Variants in SAFB2 observed in about 807,000 individuals in gnomAD.
SAFB2 encodes scaffold attachment factor B2.
A neutral mutation model predicts 100.6 loss-of-function variants in SAFB2; 32 were observed. That is an observed-to-expected ratio of 0.32 (90% CI 0.24 to 0.43). SAFB2 has a LOEUF of 0.43. Among genes scored for constraint, SAFB2 ranks in the 20% least tolerant of loss-of-function variants. SAFB2 has a pLI of 1.00. For synonymous variants in SAFB2, 500 were observed against 439.4 expected, an observed-to-expected ratio of 1.14 and a Z score of -1.72; for missense variants, 1,185 against 1,163.4, an observed-to-expected ratio of 1.02 and a Z score of -0.27.
At chr19:5,604,977 C>A in intron 9 of SAFB2, 41 bp from the exon 10 acceptor site, 1 of 1,595,666 alleles carries the variant, frequency 6.3e-7, no homozygotes, top group African/African-American at 1.3e-5. Flanking sequence ...ATACAAATGA[C>A]CACACAACTT....
In SAFB2 at chr19:5,622,543, T is replaced by C; in HGVS notation, c.173A>G (p.Glu58Gly). The C allele has an allele frequency of 6.2e-7, 1 of 1,611,876 alleles. No individual in the cohort carries two copies. The highest frequency in any genetic ancestry group is 1.1e-5 in the South Asian group (1 of 90,972). The change falls in exon 1 of 21, where the codon GAG (glutamate) becomes GGG (glycine). Residue 58 changes from glutamate to glycine, a missense_variant. Physicochemically the swap from Glu to Gly is moderately conservative, Grantham distance 98. Around this residue, in one of 3 missense-constraint regions of SAFB2, gnomAD observed 351 missense variants for 341.2 expected, o/e 1.03. Coordinates refer to ENST00000252542, the MANE Select transcript of SAFB2 (RefSeq NM_014649.3). ...GCGCCGCCTCACCTTCTTGAGCCGC[T>C]CCATCAGGACGCTCTTGTTGCCGCC... is the stretch of plus-strand genomic sequence containing the variant. ...DTGGNKSVLM[E>G]RLKKAVKEEG...
Position 5,616,317 on chromosome 19 carries a change from GACTT to G in SAFB2, c.354_357del (p.Ser119TrpfsTer9). The G allele has an allele frequency of 6.2e-7, 1 of 1,614,148 alleles. No individual in the cohort carries two copies. Among genetic ancestry groups the G allele is most frequent in the Non-Finnish European group, 8.5e-7 (1 of 1,180,036 alleles). Reference sequence around the variant, plus strand: ...ATGCCCATATTCTGCAGGTTCTCCAGACTTGCTTCCATGTCCTCCTGTAAAGAGG... The same window carrying G: ...ATGCCCATATTCTGCAGGTTCTCCAGGCTTCCATGTCCTCCTGTAAAGAGG... On this transcript the variant is annotated frameshift_variant, in exon 4 of 21. Coordinates refer to ENST00000252542, the MANE Select transcript of SAFB2 (RefSeq NM_014649.3). LOFTEE classifies it high-confidence loss of function.
intron 9 of SAFB2, among the ~76,000 whole-genome samples, chr19:5,607,397 C>T (rs2145343906): frequency 6.6e-6 from 1 of 152,188 alleles, no homozygotes; most frequent in Admixed American, 6.5e-5. Flanking sequence ...ACAATAACAT[C>T]ACAAAGATCG....
chr19:5,609,890 A>T, intron 9 of SAFB2, 105 bp downstream of exon 9: 1 of 961,040 alleles, frequency 1.0e-6, no homozygotes, highest in African/African-American at 1.6e-5. Flanking sequence ...CTCCTGCCTC[A>T]GCCTCCCAAA....
chr19:5,591,868 G>T, intron 16 of SAFB2, 75 bp from the exon 17 acceptor site: 2 of 1,398,510 alleles, frequency 1.4e-6, no homozygotes, highest in Non-Finnish European at 1.0e-6. Flanking sequence ...CAAGTTTCGC[G>T]ACTGGGATAC....
Position 5,587,186 on chromosome 19 carries a change from C to T in SAFB2, c.*57G>A. On this transcript the variant is annotated 3_prime_UTR_variant, in exon 21 of 21. Coordinates refer to ENST00000252542, the MANE Select transcript of SAFB2 (RefSeq NM_014649.3). The surrounding 1 kb of genome is among the most constrained non-coding windows in gnomAD (Gnocchi z 4.9). ...AAGATCCCCCAAGTTCGAGGGAACCCTGGCTACCAGATTCAACAGTGCGTC... is the reference window on the plus strand; with the variant it reads ...AAGATCCCCCAAGTTCGAGGGAACCTTGGCTACCAGATTCAACAGTGCGTC... 1 of 1,588,054 alleles carries T rather than the reference C, an allele frequency of 6.3e-7. No individual in the cohort carries two copies. The highest frequency in any genetic ancestry group is 2.3e-5 in the East Asian group (1 of 44,188).
rs1456343701 is a variant in SAFB2, at chr19:5,593,973, G to A, written c.2125C>T (p.Arg709Cys). Residue 709 changes from arginine to cysteine, a missense_variant, in exon 15 of 21, where the codon CGC becomes TGC. This residue lies in a region of SAFB2 where 740 missense variants were observed against 687.1 expected (regional missense o/e 1.08). Coordinates refer to ENST00000252542, the MANE Select transcript of SAFB2 (RefSeq NM_014649.3). ...RKEQERIHRE[R>C]EELRRQQEQL... The stretch of plus-strand genomic sequence containing the variant: ...TCCTGCTGGCGCCGCAGCTCCTCGC[G>A]CTCGCGGTGGATGCGCTCCTGCTCC... The A allele has an allele frequency of 1.3e-6, 2 of 1,552,146 alleles. No homozygotes were observed. The highest frequency in any genetic ancestry group is 1.7e-6 in the Non-Finnish European group (2 of 1,156,170).
intron 13 of SAFB2, 83 bp from the exon 14 acceptor site, chr19:5,595,580 C>G (rs923850256): frequency 3.3e-6 from 5 of 1,493,178 alleles, no homozygotes; most frequent in Middle Eastern, 1.8e-4. Context: ...GTGCATGAGA[C>G]TAAGATTCTC....
intron 6 of SAFB2, 24 bp from the exon 7 acceptor site, chr19:5,611,654 T>C: frequency 2.6e-6 from 1 of 389,040 alleles, no homozygotes; most frequent in South Asian, 2.0e-5. Flanking sequence ...AGGAATAGAA[T>C]GGCACAAGGT....
intron 16 of SAFB2, among the ~76,000 whole-genome samples, 167 bp from the exon 17 acceptor site, chr19:5,591,960 G>A (rs190702754): frequency 5.6e-4 from 86 of 152,284 alleles, no homozygotes; most frequent in South Asian, 1.0e-3. Flanking sequence ...GCTTTTCCCC[G>A]GGGGCAGAAA....
At chr19:5,612,590 A>C in intron 5 of SAFB2, 23 bp from the exon 6 acceptor site, 3 of 1,607,066 alleles carry the variant, frequency 1.9e-6, no homozygotes, top group Non-Finnish European at 2.6e-6. Context: ...GAAAAAGCAA[A>C]TCCACAAGTC....
Position 5,612,577 on chromosome 19 carries a change from A to G in SAFB2, c.607-10T>C, listed in dbSNP as rs1464881953. 1 of 1,612,038 alleles carries G rather than the reference A, an allele frequency of 6.2e-7. No homozygotes were observed. The highest frequency in any genetic ancestry group is 1.7e-5 in the Admixed American group (1 of 59,998). Reference sequence around the variant, plus strand: ...GGGATTCTTCAATGTCCTATTTAAAAAAGAAAAAGCAAATCCACAAGTCAC... The same window carrying G: ...GGGATTCTTCAATGTCCTATTTAAAGAAGAAAAAGCAAATCCACAAGTCAC... On this transcript the variant is annotated splice_polypyrimidine_tract_variant and intron_variant, in intron 5 of 20. Transcript: ENST00000252542.
At position 5,593,919 on chromosome 19, in the gene SAFB2, G is replaced by A. The variant is rs532158958; in HGVS notation, c.2179C>T (p.Pro727Ser). 3.3e-6 allele frequency: 5 copies of A among 1,529,072 alleles called. No homozygotes were observed. Among genetic ancestry groups the A allele is most frequent in the South Asian group, 1.3e-5 (1 of 78,164 alleles). 94.7% of individuals were successfully genotyped at this position (1,529,072 alleles called of 1,614,324 possible). ...TCCAGGTCGTAGGGCCTCCGCCCGG[G>A]CCGCCGCTCCTGCTCGTAACGCAGC... is the stretch of plus-strand genomic sequence containing the variant. ...EQLRYEQERR[P>S]GRRPYDLDRR... Residue 727 changes from proline to serine, a missense_variant, in exon 15 of 21, where the codon CCC (proline) becomes TCC (serine). Transcript: ENST00000252542.
intron 8 of SAFB2, 133 bp from the exon 9 acceptor site, chr19:5,610,228 C>T (rs2052879915): frequency 1.4e-6 from 1 of 695,952 alleles, no homozygotes; most frequent in South Asian, 1.6e-5. Context: ...ATTTAACGCA[C>T]ACACACATGC....
intron 14 of SAFB2, 47 bp downstream of exon 14, chr19:5,595,314 C>T: frequency 3.1e-6 from 5 of 1,588,018 alleles, no homozygotes; most frequent in Non-Finnish European, 4.3e-6. Context: ...AGGACAGCCA[C>T]CCCGAGAGGA....
At chr19:5,601,918 T>C (rs1723664981) in intron 11 of SAFB2, among the ~76,000 whole-genome samples, 1 of 152,146 alleles carries the variant, frequency 6.6e-6, no homozygotes, top group South Asian at 2.1e-4. Context: ...TCCCTAGGTG[T>C]TGGGATTACC....
chr19:5,606,936 A>T (rs2052787238), intron 9 of SAFB2, among the ~76,000 whole-genome samples: 1 of 152,064 alleles, frequency 6.6e-6, no homozygotes, highest in Non-Finnish European at 1.5e-5. Context: ...GGTGAACATG[A>T]TTTTTTCCTG....
chr19:5,620,742 C>CGGT (rs2053123261), intron 2 of SAFB2, among the ~76,000 whole-genome samples: 2 of 152,066 alleles, frequency 1.3e-5, no homozygotes, highest in African/African-American at 2.4e-5. Flanking sequence ...CAGAAGGAGA[C>CGGT]GGTGGTGGTG....
chr19:5,619,611 G>A lies in SAFB2; in HGVS notation c.274+1698C>T, dbSNP rs572064733. On this transcript the variant is annotated intron_variant, in intron 2 of 20. Transcript: ENST00000252542. ...TCCCAGCACTTTGGGAGGCCCAGGC[G>A]GGTGGATCACCTGAGGTGAGGAGTT... Among the ~76,000 whole-genome samples the A allele has an allele frequency of 7.7e-4, 117 of 152,258 alleles. No individual in the cohort carries two copies. The Middle Eastern group carries it at 0.017, about 22-fold the overall frequency.
Sources: allele counts gnomAD v4.1 joint callset (sites outside exome capture counted in the v4.1 genomes callset), GRCh38; gene constraint gnomAD v4.1.1; regional missense constraint gnomAD v4.1.1; non-coding constraint Gnocchi (gnomAD v3.1); transcripts MANE v1.5; gene names NCBI Gene and HGNC (gene_info 2026-07-23, HGNC 2026-07-21).